Variants in ATP6V1E1 observed in about 807,000 individuals in gnomAD.
ATP6V1E1 encodes V-type proton ATPase subunit E 1.
ATP6V1E1 carries 21 observed loss-of-function variants against 35.2 expected under a neutral mutation model. The ratio of observed to expected loss-of-function variants is 0.60; its 90% confidence interval spans 0.42 to 0.86. The LOEUF (loss-of-function observed/expected upper bound fraction) is 0.86. Ranked by LOEUF, ATP6V1E1 falls within the 40% of genes least tolerant of loss-of-function variation. ATP6V1E1 has a pLI of 0.00. For synonymous variants in ATP6V1E1, 83 were observed against 87.8 expected (o/e 0.95, Z 0.30); for missense variants, 183 against 272.6 (o/e 0.67, Z 2.32).
chr22:17,625,805 C>A (rs1193248175), intron 1 of ATP6V1E1, among the ~76,000 whole-genome samples: 2 of 151,842 alleles, frequency 1.3e-5, no homozygotes, highest in East Asian at 1.9e-4. Flanking sequence ...CTACTATATT[C>A]CCCTGAGAGT....
At chr22:17,623,004 G>A (rs923002035) in intron 1 of ATP6V1E1, among the ~76,000 whole-genome samples, 1 of 152,096 alleles carries the variant, frequency 6.6e-6, no homozygotes, top group African/African-American at 2.4e-5. Flanking sequence ...AAACATATAG[G>A]AGGATTTTAG....
At chr22:17,597,829 C>A (rs560328068) in intron 7 of ATP6V1E1, among the ~76,000 whole-genome samples, 1 of 152,230 alleles carries the variant, frequency 6.6e-6, no homozygotes, top group East Asian at 1.9e-4. Flanking sequence ...CAGGACTGGA[C>A]TATGAGCAGA....
chr22:17,597,704 C>T (rs776461199), intron 7 of ATP6V1E1, among the ~76,000 whole-genome samples: 27 of 151,926 alleles, frequency 1.8e-4, no homozygotes, highest in East Asian at 3.9e-4. Context: ...GTTCTTGGCT[C>T]GCTACAACCT....
In ATP6V1E1 at chr22:17,628,665, T is replaced by C. The variant is rs7751; in HGVS notation, c.-30A>G. The C allele has an allele frequency of 0.32, 516,504 of 1,613,354 alleles. 88,317 individuals are homozygous for C. The highest frequency in any genetic ancestry group is 0.64 in the African/African-American group (47,903 of 75,002). On this transcript the variant is annotated 5_prime_UTR_variant, in exon 1 of 9. Transcript: ENST00000253413. ...AGAGCAATGCTAGGCCGGTGAACAG[T>C]AGGCTCGAGTTTAGGTTTGAAAGGT... is the stretch of plus-strand genomic sequence containing the variant.
intron 4 of ATP6V1E1, among the ~76,000 whole-genome samples, chr22:17,612,216 C>CA (rs1438828489): frequency 6.6e-6 from 1 of 152,166 alleles, no homozygotes; most frequent in Non-Finnish European, 1.5e-5. Flanking sequence ...AGGGCCTCCA[C>CA]AGTCACAATG....
At chr22:17,627,436 G>C (rs1367113325) in intron 1 of ATP6V1E1, among the ~76,000 whole-genome samples, 2 of 151,864 alleles carry the variant, frequency 1.3e-5, no homozygotes, top group Admixed American at 6.6e-5. Flanking sequence ...GCCCCAGCCT[G>C]TATCTCACAA....
intron 2 of ATP6V1E1, among the ~76,000 whole-genome samples, chr22:17,613,883 C>T (rs943323695): frequency 3.3e-5 from 5 of 152,282 alleles, no homozygotes; most frequent in Admixed American, 3.3e-4. Context: ...AGGACAATGG[C>T]GTGAACCCGG....
At chr22:17,619,358 C>T (rs753122106) in intron 2 of ATP6V1E1, 103 bp downstream of exon 2, 14 of 1,025,122 alleles carry the variant, frequency 1.4e-5, no homozygotes, top group Non-Finnish European at 1.9e-5. Flanking sequence ...TTTATCAGTC[C>T]GATGCAATCT....
intron 2 of ATP6V1E1, among the ~76,000 whole-genome samples, chr22:17,615,638 G>A (rs914887411): frequency 1.3e-5 from 2 of 151,292 alleles, no homozygotes; most frequent in Non-Finnish European, 2.9e-5. Flanking sequence ...GGTGGCTCAC[G>A]CCTGCAATCC....
intron 1 of ATP6V1E1, among the ~76,000 whole-genome samples, chr22:17,625,836 T>C (rs1470830309): frequency 4.6e-5 from 7 of 151,876 alleles, no homozygotes; most frequent in African/African-American, 9.7e-5. Context: ...ACAAAATTCT[T>C]AATACCTACA....
chr22:17,627,228 C>T lies in ATP6V1E1; in HGVS notation c.33+1375G>A, dbSNP rs544089880. Among the ~76,000 whole-genome samples the T allele has an allele frequency of 3.3e-5, 5 of 150,752 alleles. No homozygotes were observed. In the South Asian group the frequency reaches 1.1e-3, roughly 32 times the overall value. On this transcript the variant is annotated intron_variant, in intron 1 of 8. Transcript: ENST00000253413. The stretch of plus-strand genomic sequence containing the variant: ...AGGGTCGCTCGGCCTCCCGGGTTCA[C>T]GCCATTCTCCTGCCTCAGCCTCCCG...
chr22:17,616,951 G>C lies in ATP6V1E1; in HGVS notation c.99+2510C>G, dbSNP rs1458480507. ...TAGTCCCAGCTACTTGGGAGGCTGA[G>C]GCAGGAGAATGGCGTGAACCCGGGA... On this transcript the variant is annotated intron_variant, in intron 2 of 8. Transcript: ENST00000253413. 2.0e-5 allele frequency among the ~76,000 whole-genome samples: 2 copies of C among 101,738 alleles called. 1 individual carries two copies. Among genetic ancestry groups the C allele is most frequent in the Non-Finnish European group, 4.3e-5 (2 of 46,964 alleles). 66.7% of individuals were successfully genotyped at this position (101,738 alleles called of 152,430 possible).
chr22:17,609,482 T>TG (rs2057804131), intron 4 of ATP6V1E1, among the ~76,000 whole-genome samples: 1 of 127,810 alleles, frequency 7.8e-6, no homozygotes, highest in Non-Finnish European at 1.7e-5. Context: ...TTTTTTTTTT[T>TG]TTTTGAGACG....
In ATP6V1E1 at chr22:17,628,723, C is replaced by G. The variant is rs1038916041; in HGVS notation, c.-88G>C. Reference sequence around the variant, plus strand: ...GAGAAATCGGCAAAGGGAACCCCTGCGCAGATCTCGGGTTCCTTTACTTTA... The same window carrying G: ...GAGAAATCGGCAAAGGGAACCCCTGGGCAGATCTCGGGTTCCTTTACTTTA... On this transcript the variant is annotated 5_prime_UTR_variant, in exon 1 of 9. Transcript: ENST00000253413. The G allele has an allele frequency of 3.2e-6, 5 of 1,564,216 alleles. No homozygotes were observed. Among genetic ancestry groups the G allele is most frequent in the African/African-American group, 2.7e-5 (2 of 73,478 alleles).
chr22:17,626,660 A>G (rs994598837), intron 1 of ATP6V1E1, among the ~76,000 whole-genome samples: 9 of 151,594 alleles, frequency 5.9e-5, no homozygotes, highest in Admixed American at 5.3e-4. Flanking sequence ...GCCTCCTAGT[A>G]GTTGGGATTA....
intron 4 of ATP6V1E1, among the ~76,000 whole-genome samples, chr22:17,608,430 AT>A (rs2057796868): frequency 1.3e-5 from 2 of 152,190 alleles, no homozygotes; most frequent in South Asian, 4.2e-4. Flanking sequence ...TGTTTCTATT[AT>A]TTATTATTTT....
chr22:17,610,109 C>T (rs1214286333), intron 4 of ATP6V1E1, among the ~76,000 whole-genome samples: 2 of 144,516 alleles, frequency 1.4e-5, no homozygotes, highest in African/African-American at 5.2e-5. Flanking sequence ...GGCAACATAG[C>T]CAGACCATGC....
chr22:17,614,969 T>A (rs55649606), intron 2 of ATP6V1E1, among the ~76,000 whole-genome samples: 51,296 of 147,332 alleles, frequency 0.35, 9,077 homozygotes, highest in African/African-American at 0.41. Context: ...AAAAAAAAAA[T>A]TTTTTTTCCC....
chr22:17,598,343 C>A, intron 6 of ATP6V1E1, 55 bp from the exon 7 acceptor site: 1 of 1,377,088 alleles, frequency 7.3e-7, no homozygotes, highest in South Asian at 1.2e-5. Context: ...AGCAAGTATC[C>A]AAAAACTCAA....
Sources: allele counts gnomAD v4.1 joint callset (sites outside exome capture counted in the v4.1 genomes callset), GRCh38; gene constraint gnomAD v4.1.1; transcripts MANE v1.5; gene names NCBI Gene and HGNC (gene_info 2026-07-23, HGNC 2026-07-21).